RAB13: variants seen among roughly 807,000 people sequenced by gnomAD.
RAB13 encodes ras-related protein Rab-13.
Under a neutral mutation model 29.3 loss-of-function variants are expected in RAB13, and 15 were observed. That is an observed-to-expected ratio of 0.51 (90% CI 0.34 to 0.79). RAB13 has a LOEUF of 0.79. Among genes scored for constraint, RAB13 ranks in the 30% least tolerant of loss-of-function variants. The probability of loss-of-function intolerance (pLI) is 0.01; values close to 1 mark genes in which losing one functional copy is unlikely to be tolerated. For synonymous variants in RAB13, 82 were observed against 93.8 expected, an observed-to-expected ratio of 0.87 and a Z score of 0.73; for missense variants, 186 against 255.5, an observed-to-expected ratio of 0.73 and a Z score of 1.85.
upstream of RAB13, among the ~76,000 whole-genome samples, chr1:153,986,567 G>T (rs1331923329): frequency 6.6e-6 from 1 of 152,184 alleles, no homozygotes; most frequent in African/African-American, 2.4e-5. Flanking sequence ...CCATTCTGAG[G>T]CCAGAGAGGC....
upstream of RAB13, among the ~76,000 whole-genome samples, chr1:153,987,971 T>A (rs558853974): frequency 4.0e-5 from 6 of 151,794 alleles, no homozygotes; most frequent in Admixed American, 2.0e-4. Flanking sequence ...AAAAATTTTT[T>A]ATTTATTTTT....
intron 1 of RAB13, 184 bp from the exon 2 acceptor site, chr1:153,984,965 G>T (rs1557892640): frequency 1.5e-6 from 2 of 1,336,966 alleles, no homozygotes; most frequent in Non-Finnish European, 1.9e-6. Flanking sequence ...TGTATAGCAA[G>T]AATACTATTT....
At chr1:153,987,580 G>GA (rs1354906373), upstream of RAB13, among the ~76,000 whole-genome samples, 1 of 150,430 alleles carries the variant, frequency 6.6e-6, no homozygotes, top group Non-Finnish European at 1.5e-5. Context: ...TCTGCCTTTA[G>GA]AAAAAAATTA....
Position 153,982,302 on chromosome 1 carries a change from AACACAC to A in RAB13, c.534+83_534+88del, listed in dbSNP as rs56853500. ...ATTGCTCCCCGTTTTTATCAACACC[AACACAC>A]ACACACACACACACACACACACACA... On this transcript the variant is annotated intron_variant, in intron 7 of 7. Transcript: ENST00000368575. 9.9e-3 allele frequency: 12,718 copies of A among 1,288,040 alleles called. 4 individuals carry two copies. Among genetic ancestry groups the A allele is most frequent in the East Asian group, 0.057 (2,267 of 40,030 alleles). The allele number at this position is 1,288,040 out of a possible 1,614,324, so 79.8% of individuals were successfully genotyped here.
At chr1:153,989,920 AAAAG>A (rs1172618235), upstream of RAB13, among the ~76,000 whole-genome samples, 1 of 152,022 alleles carries the variant, frequency 6.6e-6, no homozygotes, top group Non-Finnish European at 1.5e-5. Flanking sequence ...AAAATAAAAA[AAAAG>A]AAGGCATCTT....
intron 5 of RAB13, 51 bp downstream of exon 5, chr1:153,982,668 A>G (rs1649024908): frequency 6.2e-7 from 1 of 1,611,028 alleles, no homozygotes; most frequent in South Asian, 1.1e-5. Flanking sequence ...AATGCAACCT[A>G]TCTTGGCCCT....
rs143645497 is a variant in RAB13 at position 153,982,157 on chromosome 1, G to C, written c.554C>G (p.Pro185Arg). Reference sequence around the variant, plus strand: ...GTCACAAGTTTTCAGGTCAGTACTGGGAGGCTTGTTGCCGTTTCCCTAGAG... The same window carrying C: ...GTCACAAGTTTTCAGGTCAGTACTGCGAGGCTTGTTGCCGTTTCCCTAGAG... ...GRRSGNGNKPPSTDLKTCDKK... is the reference protein window; with the variant it reads ...GRRSGNGNKPRSTDLKTCDKK... The change falls in exon 8 of 8, where the codon CCC (proline) becomes CGC (arginine). Residue 185 changes from proline (P) to arginine (R), a missense_variant. By Grantham distance (103) the Pro-to-Arg change is moderately radical. Transcript: ENST00000368575. The C allele has an allele frequency of 3.5e-5, 56 of 1,613,950 alleles. No homozygotes were observed. The African/African-American group carries it at 7.3e-4, about 21-fold the overall frequency.
rs1378251899 is a variant in RAB13, at chr1:153,986,258, G to A, written c.-22C>T. The A allele has an allele frequency of 6.2e-7, 1 of 1,601,574 alleles. No homozygotes were observed. Among genetic ancestry groups the A allele is most frequent in the Non-Finnish European group, 8.5e-7 (1 of 1,171,776 alleles). On this transcript the variant is annotated 5_prime_UTR_variant, in exon 1 of 8. Transcript: ENST00000368575. ...CCATGGCGGACACCGGGGGAGCCGG[G>A]GGAGGGGTGGGGAGCGCCCGGCACT...
At chr1:153,986,494 TCTCTCTCGC>T, upstream of RAB13, 1 of 482,786 alleles carries the variant, frequency 2.1e-6, no homozygotes, top group Non-Finnish European at 3.7e-6. Flanking sequence ...GGCCGGCCTG[TCTCTCTCGC>T]TATTTTCCAC....
chr1:153,987,526 A>AG (rs1279904324), upstream of RAB13, among the ~76,000 whole-genome samples: 24 of 147,554 alleles, frequency 1.6e-4, no homozygotes, highest in Non-Finnish European at 2.5e-4. Flanking sequence ...AAAAAAAAAA[A>AG]AAAAAGAAAG....
intron 1 of RAB13, chr1:153,985,259 A>C: frequency 2.0e-6 from 2 of 986,624 alleles, no homozygotes; most frequent in Non-Finnish European, 2.4e-6. Context: ...TGGCACTAGG[A>C]AAGTCTGAGG....
chr1:153,986,606 A>G (rs917569391), upstream of RAB13, among the ~76,000 whole-genome samples: 1 of 152,176 alleles, frequency 6.6e-6, no homozygotes, highest in African/African-American at 2.4e-5. Flanking sequence ...AGGTTTAACC[A>G]CGACGACCAG....
upstream of RAB13, chr1:153,986,437 G>A (rs2102195411): frequency 1.8e-6 from 1 of 549,096 alleles, no homozygotes; most frequent in Non-Finnish European, 3.2e-6. Context: ...AGCAGGCCAA[G>A]GCTGCCAGCC....
chr1:153,988,426 T>C (rs1649250338), upstream of RAB13, among the ~76,000 whole-genome samples: 1 of 148,528 alleles, frequency 6.7e-6, no homozygotes, highest in Non-Finnish European at 1.5e-5. Flanking sequence ...CCTGAGTAGC[T>C]GGGACTACAG....
rs372299956 is a variant in RAB13, at chr1:153,982,621, A to G, written c.415-21T>C. On this transcript the variant is annotated intron_variant, in intron 5 of 7. Transcript: ENST00000368575. Reference sequence around the variant, plus strand: ...GCCAACTATAAGGGGTGAAGTGGGAAGAGAATTGAATTAAGGACAGCAGCC... The same window carrying G: ...GCCAACTATAAGGGGTGAAGTGGGAGGAGAATTGAATTAAGGACAGCAGCC... 5 of 1,612,550 alleles carry G rather than the reference A, an allele frequency of 3.1e-6. No individual in the cohort carries two copies. The African/African-American group carries it at 4.0e-5, about 13-fold the overall frequency.
intron 1 of RAB13, chr1:153,985,445 C>A (rs1022494586): frequency 2.2e-6 from 2 of 922,158 alleles, no homozygotes; most frequent in Non-Finnish European, 2.6e-6. Flanking sequence ...GGCACCTCCC[C>A]CAAGCCTGCT....
chr1:153,989,405 G>A (rs1051252180), upstream of RAB13, among the ~76,000 whole-genome samples: 1 of 150,638 alleles, frequency 6.6e-6, no homozygotes, highest in African/African-American at 2.4e-5. Flanking sequence ...GCCCGCCACC[G>A]CGCCCGGCTA....
rs1649103353 is a variant in RAB13, at chr1:153,984,669, T to A, written c.185+52A>T. 12 of 1,468,280 alleles carry A rather than the reference T, an allele frequency of 8.2e-6. No individual in the cohort carries two copies. In the South Asian group the frequency reaches 1.4e-4, roughly 17 times the overall value. The allele number at this position is 1,468,280 out of a possible 1,614,324, so 91.0% of individuals were successfully genotyped here. A position where few individuals can be genotyped will look rare whatever the true frequency, so the allele number is the denominator to read the frequency against. ...ATGAAACAAAATAGAAGGAAAAACG[T>A]GTAGGAGGTAAATGGGGAAGTCTGG... On this transcript the variant is annotated intron_variant, in intron 2 of 7. Transcript: ENST00000368575.
In RAB13 at chr1:153,982,384, A is replaced by G. The variant is rs766934698; in HGVS notation, c.534+7T>C. 158 of 1,611,324 alleles carry G rather than the reference A, an allele frequency of 9.8e-5. No individual in the cohort carries two copies. The highest frequency in any genetic ancestry group is 1.3e-4 in the Non-Finnish European group (152 of 1,178,028). On this transcript the variant is annotated splice_region_variant and intron_variant, in intron 7 of 7. Coordinates refer to ENST00000368575, the MANE Select transcript of RAB13 (RefSeq NM_002870.5). ...GAGTTGTACCTAGTCCAGCAAAACC[A>G]ACTTACTGATCTCCGGCCTCCTGAC...
Sources: gnomAD v4.1 joint callset for allele counts (sites outside exome capture counted in the v4.1 genomes callset) on GRCh38, gnomAD v4.1.1 for gene constraint, MANE v1.5 for transcripts, NCBI Gene and HGNC (gene_info 2026-07-23, HGNC 2026-07-21) for gene names.